TAF15: variants seen among roughly 807,000 people sequenced by gnomAD.
The protein encoded by TAF15 is TATA-binding protein-associated factor 2N.
A neutral mutation model predicts 102.5 loss-of-function variants in TAF15; 37 were observed. The ratio of observed to expected loss-of-function variants is 0.36; its 90% confidence interval spans 0.28 to 0.47. The LOEUF is 0.47. Ranked by LOEUF, TAF15 falls within the 20% of genes least tolerant of loss-of-function variation. The pLI is 0.99. For missense variants in TAF15, 652 were observed against 760.7 expected (o/e 0.86, Z 1.68); for synonymous variants, 273 against 259.2 (o/e 1.05, Z -0.51).
intron 7 of TAF15, among the ~76,000 whole-genome samples, chr17:35,824,816 A>G (rs148182845): frequency 2.4e-4 from 37 of 152,222 alleles, no homozygotes; most frequent in Middle Eastern, 3.4e-3. Context: ...TCTTTTCTCC[A>G]TGCTAGTGTT....
chr17:35,821,098 G>T (rs906654106), intron 5 of TAF15, among the ~76,000 whole-genome samples: 1 of 152,106 alleles, frequency 6.6e-6, no homozygotes, highest in Non-Finnish European at 1.5e-5. Context: ...TTTACAGAGG[G>T]TAAAGAAATT....
chr17:35,819,951 T>G (rs2087239726), intron 2 of TAF15, 73 bp from the exon 3 acceptor site: 8 of 1,364,720 alleles, frequency 5.9e-6, no homozygotes, highest in Non-Finnish European at 8.3e-6. Flanking sequence ...AAGTTGAAAA[T>G]GAAGGCAAGG....
intron 6 of TAF15, 68 bp downstream of exon 6, chr17:35,822,901 A>AAAG: frequency 6.4e-7 from 1 of 1,574,460 alleles, no homozygotes; most frequent in Non-Finnish European, 8.7e-7. Flanking sequence ...TTTCTGATTA[A>AAAG]AAGAACCACA....
At chr17:35,841,301 T>C (rs1043277398) in intron 11 of TAF15, among the ~76,000 whole-genome samples, 5 of 152,380 alleles carry the variant, frequency 3.3e-5, no homozygotes, top group Middle Eastern at 3.4e-3. Flanking sequence ...TATAAGCATA[T>C]GTGTAGATAA....
chr17:35,823,447 C>T (rs2087287406), intron 6 of TAF15, among the ~76,000 whole-genome samples: 3 of 152,148 alleles, frequency 2.0e-5, no homozygotes, highest in South Asian at 4.1e-4. Flanking sequence ...CGCCTGTAAT[C>T]CCAGCATTTT....
chr17:35,811,202 G>A (rs1476032153), intron 1 of TAF15: 1 of 152,104 alleles, frequency 6.6e-6, no homozygotes, highest in Non-Finnish European at 1.5e-5. Flanking sequence ...ATAAAACAAT[G>A]GCTTCTGTGG....
At chr17:35,817,810 G>T in intron 2 of TAF15, 55 bp downstream of exon 2, 1 of 1,495,066 alleles carries the variant, frequency 6.7e-7, no homozygotes, top group Non-Finnish European at 9.3e-7. Context: ...GGTGAATTTT[G>T]TCAAGCTTCT....
At chr17:35,818,023 G>A (rs2087214902) in intron 2 of TAF15, among the ~76,000 whole-genome samples, 1 of 152,064 alleles carries the variant, frequency 6.6e-6, no homozygotes, top group African/African-American at 2.4e-5. Flanking sequence ...CTGGGCTTAA[G>A]CGATCCTCCT....
chr17:35,818,241 G>A (rs1187827009), intron 2 of TAF15, among the ~76,000 whole-genome samples: 2 of 152,132 alleles, frequency 1.3e-5, no homozygotes, highest in South Asian at 2.1e-4. Flanking sequence ...GACTACAGGC[G>A]CTCGCCAGCA....
chr17:35,846,598 C>T (rs1167351097), intron 15 of TAF15, among the ~76,000 whole-genome samples: 1 of 152,122 alleles, frequency 6.6e-6, no homozygotes, highest in Non-Finnish European at 1.5e-5. Context: ...TTCCACTATG[C>T]CACTCTCCTA....
intron 1 of TAF15, among the ~76,000 whole-genome samples, chr17:35,814,807 C>T (rs942958315): frequency 9.3e-5 from 14 of 151,146 alleles, no homozygotes; most frequent in African/African-American, 3.4e-4. Context: ...AAGTCAAAAT[C>T]GTGTCACTGC....
intron 1 of TAF15, chr17:35,816,891 C>G (rs149270951): frequency 7.7e-6 from 1 of 129,544 alleles, no homozygotes; most frequent in Non-Finnish European, 1.6e-5. Context: ...GGCACAATCA[C>G]AGCTCACTGC....
At position 35,847,152 on chromosome 17, in the gene TAF15, C is replaced by A; in HGVS notation, c.*207C>A. The stretch of plus-strand genomic sequence containing the variant: ...TTAGTTTCCAACCTTCTCCCCAACC[C>A]TTGGAGCTAAATGCGTTGTAAAATA... On this transcript the variant is annotated 3_prime_UTR_variant, in exon 16 of 16. Transcript: ENST00000605844. 1 of 632,120 alleles carries A rather than the reference C, an allele frequency of 1.6e-6. No homozygotes were observed. Among genetic ancestry groups the A allele is most frequent in the Non-Finnish European group, 2.8e-6 (1 of 358,790 alleles). The allele number at this position is 632,120 out of a possible 1,614,324, so 39.2% of individuals were successfully genotyped here. A position where few individuals can be genotyped will look rare whatever the true frequency, so the allele number is the denominator to read the frequency against.
At chr17:35,817,202 T>A (rs188379105) in intron 1 of TAF15, 1 of 153,384 alleles carries the variant, frequency 6.5e-6, no homozygotes, top group African/African-American at 2.4e-5. Flanking sequence ...AAAATCAGAA[T>A]AGAGCAACTA....
rs754944712 is a variant in TAF15 at position 35,822,813 on chromosome 17, A to C, written c.464A>C (p.Asn155Thr). Residue 155 changes from asparagine (N) to threonine (T), a missense_variant, in exon 6 of 16, where the codon AAC becomes ACC. This residue lies in a region of TAF15 where 243 missense variants were observed against 284.1 expected (regional missense o/e 0.86). Coordinates refer to ENST00000605844, the MANE Select transcript of TAF15 (RefSeq NM_139215.3). ...CAGTCCTATCATTCACAAAGGGAAA[A>C]CTACAGCCACCACACACAAGGTAAG... ...NQQSYHSQRE[N>T]YSHHTQDDRR... is the part of the protein sequence containing the mutation. 3.1e-6 allele frequency: 5 copies of C among 1,614,186 alleles called. No individual in the cohort carries two copies. In the South Asian group the frequency reaches 5.5e-5, roughly 18 times the overall value.
chr17:35,816,504 A>G (rs1568244870), intron 1 of TAF15, among the ~76,000 whole-genome samples: 1 of 152,104 alleles, frequency 6.6e-6, no homozygotes, highest in Non-Finnish European at 1.5e-5. Context: ...AGAAAGAAAA[A>G]TTTCATTAGG....
intron 1 of TAF15, chr17:35,810,754 A>G (rs551195031): frequency 6.6e-6 from 1 of 152,340 alleles, no homozygotes; most frequent in African/African-American, 2.4e-5. Flanking sequence ...ATGTGTGACT[A>G]AAATGAAGCA....
chr17:35,823,308 A>G (rs2087285710), intron 6 of TAF15, among the ~76,000 whole-genome samples: 1 of 152,258 alleles, frequency 6.6e-6, no homozygotes, highest in Non-Finnish European at 1.5e-5. Flanking sequence ...GTGGAAGCAC[A>G]TTCACTAAAT....
rs1434705823 is a variant in TAF15, at chr17:35,821,040, GTGAT to G, written c.290+608_290+611del. ...GTGAAATGCTTTTGCATTCTCTAAT[GTGAT>G]TGATCTTCAGATACCACTATGAAAT... On this transcript the variant is annotated intron_variant, in intron 5 of 15. Coordinates refer to ENST00000605844, the MANE Select transcript of TAF15 (RefSeq NM_139215.3). Among the ~76,000 whole-genome samples the G allele has an allele frequency of 5.3e-5, 8 of 152,256 alleles. No homozygotes were observed. The South Asian group carries it at 1.2e-3, about 24-fold the overall frequency.
Sources: allele counts gnomAD v4.1 joint callset (sites outside exome capture counted in the v4.1 genomes callset), GRCh38; gene constraint gnomAD v4.1.1; regional missense constraint gnomAD v4.1.1; transcripts MANE v1.5; gene names NCBI Gene and HGNC (gene_info 2026-07-23, HGNC 2026-07-21).